The following HS2ST1 variants were observed in gnomAD, a reference collection of about 807,000 sequenced individuals.
HS2ST1 encodes 2-O-sulfotransferase.
Under a neutral mutation model 42.9 loss-of-function variants are expected in HS2ST1, and 18 were observed. The observed-to-expected ratio is 0.42, with a 90% confidence interval of 0.29 to 0.62. HS2ST1 has a LOEUF of 0.62. HS2ST1 is among the 20% of genes least tolerant of loss of function. The pLI is 0.21. For synonymous variants in HS2ST1, 146 were observed against 152.9 expected, an observed-to-expected ratio of 0.95 and a Z score of 0.33; for missense variants, 334 against 433.8, an observed-to-expected ratio of 0.77 and a Z score of 2.04.
At chr1:87,100,428 G>A (rs1021866512) in intron 5 of HS2ST1, among the ~76,000 whole-genome samples, 13 of 152,146 alleles carry the variant, frequency 8.5e-5, no homozygotes, top group African/African-American at 3.1e-4. Context: ...AGGACCCTGG[G>A]CCTGCCCCCT....
chr1:87,038,194 TAAC>T (rs2100602051), intron 1 of HS2ST1, among the ~76,000 whole-genome samples: 1 of 152,206 alleles, frequency 6.6e-6, no homozygotes, highest in East Asian at 1.9e-4. Context: ...GCTGTGTTCT[TAAC>T]AATCAGCAGT....
intron 1 of HS2ST1, chr1:87,045,025 G>A (rs75742223): frequency 0.022 from 31,727 of 1,437,270 alleles, 459 homozygotes; most frequent in South Asian, 0.048. Context: ...TTCCTCTTGC[G>A]GCTTCTCTCT....
At chr1:86,999,348 T>C (rs1267938046) in intron 1 of HS2ST1, among the ~76,000 whole-genome samples, 1 of 152,036 alleles carries the variant, frequency 6.6e-6, no homozygotes, top group Non-Finnish European at 1.5e-5. Context: ...CCAGCTAATT[T>C]TGTATTTTCA....
chr1:86,946,552 C>T (rs566613815), intron 1 of HS2ST1, among the ~76,000 whole-genome samples: 16 of 152,242 alleles, frequency 1.1e-4, no homozygotes, highest in Admixed American at 5.2e-4. Flanking sequence ...TATAGATGGT[C>T]GCATAACAGA....
At chr1:86,946,616 G>A (rs947169088) in intron 1 of HS2ST1, among the ~76,000 whole-genome samples, 4 of 152,104 alleles carry the variant, frequency 2.6e-5, no homozygotes, top group Admixed American at 2.0e-4. Flanking sequence ...TTTGAAATCC[G>A]CTTGGCTGAA....
intron 1 of HS2ST1, among the ~76,000 whole-genome samples, chr1:86,992,613 C>T (rs186348641): frequency 6.6e-5 from 10 of 152,260 alleles, no homozygotes; most frequent in African/African-American, 1.4e-4. Flanking sequence ...CTGCACGCCT[C>T]GGCCTCCCAA....
chr1:87,016,775 G>C (rs193187573), intron 1 of HS2ST1, among the ~76,000 whole-genome samples: 1 of 152,072 alleles, frequency 6.6e-6, no homozygotes, highest in Non-Finnish European at 1.5e-5. Context: ...CTGTTCAGCC[G>C]TATCCTCTGG....
intron 1 of HS2ST1, among the ~76,000 whole-genome samples, chr1:86,983,908 C>T (rs112752011): frequency 0.016 from 2,409 of 152,016 alleles, 71 homozygotes; most frequent in African/African-American, 0.055. Context: ...GGCGCGGTGG[C>T]GGGCGCCTCT....
At position 86,976,704 on chromosome 1, in the gene HS2ST1, G is replaced by GTATATATATATATA. The variant is rs147039703; in HGVS notation, c.124+61548_124+61561dup. Among the ~76,000 whole-genome samples, 487 of 79,694 alleles carry GTATATATATATATA rather than the reference G, an allele frequency of 6.1e-3. 41 individuals carry two copies. Among genetic ancestry groups the GTATATATATATATA allele is most frequent in the East Asian group, 0.052 (82 of 1,578 alleles). The allele number at this position is 79,694 out of a possible 152,430, so 52.3% of individuals were successfully genotyped here. ...AAATCCATCTTTTCTTTATAAAATT[G>GTATATATATATATA]TATATATATATATATATTTTAAATG... On this transcript the variant is annotated intron_variant, in intron 1 of 6. Coordinates refer to ENST00000370550, the MANE Select transcript of HS2ST1 (RefSeq NM_012262.4).
chr1:87,045,133 C>G, intron 1 of HS2ST1: 1 of 864,302 alleles, frequency 1.2e-6, no homozygotes, highest in African/African-American at 1.7e-5. Context: ...GAAGGCTGAC[C>G]TCCATCATTA....
intron 1 of HS2ST1, among the ~76,000 whole-genome samples, chr1:87,066,727 C>A (rs1356098627): frequency 1.3e-5 from 2 of 152,038 alleles, no homozygotes; most frequent in Admixed American, 6.6e-5. Context: ...CTCCCCTAGC[C>A]CCCATCCCCC....
At chr1:87,027,823 G>A (rs976843500) in intron 1 of HS2ST1, among the ~76,000 whole-genome samples, 8 of 152,100 alleles carry the variant, frequency 5.3e-5, no homozygotes, top group African/African-American at 1.9e-4. Flanking sequence ...CTAGTAGCTG[G>A]GACAACAGGA....
intron 1 of HS2ST1, among the ~76,000 whole-genome samples, chr1:87,054,838 T>C (rs61773086): frequency 0.23 from 35,618 of 152,124 alleles, 5,987 homozygotes; most frequent in African/African-American, 0.48. Context: ...CATAAAAGGC[T>C]GTCTGCCAAC....
chr1:86,970,991 A>G (rs1648217395), intron 1 of HS2ST1, among the ~76,000 whole-genome samples: 1 of 152,210 alleles, frequency 6.6e-6, no homozygotes, highest in Non-Finnish European at 1.5e-5. Flanking sequence ...TACTGATGCC[A>G]GATCAGTTGA....
intron 1 of HS2ST1, among the ~76,000 whole-genome samples, chr1:86,998,997 C>T (rs548569837): frequency 3.1e-4 from 38 of 121,688 alleles, no homozygotes; most frequent in African/African-American, 1.1e-3. Context: ...TGTAGATCTA[C>T]AGATCTAAAA....
chr1:86,963,859 C>A (rs1364510660), intron 1 of HS2ST1, among the ~76,000 whole-genome samples: 1 of 148,024 alleles, frequency 6.8e-6, no homozygotes, highest in South Asian at 2.2e-4. Flanking sequence ...CCCGCCCGGA[C>A]GGGGTGGCTG....
At chr1:87,081,667 A>G (rs1651693273) in intron 2 of HS2ST1, among the ~76,000 whole-genome samples, 2 of 152,180 alleles carry the variant, frequency 1.3e-5, no homozygotes, top group Admixed American at 6.5e-5. Context: ...AAATGAATAG[A>G]AGAAATAATG....
chr1:86,959,476 G>A (rs1378236199), intron 1 of HS2ST1, among the ~76,000 whole-genome samples: 2 of 152,110 alleles, frequency 1.3e-5, no homozygotes, highest in African/African-American at 2.4e-5. Context: ...TGGCTAACAT[G>A]GTGAAACCCC....
chr1:87,030,265 A>G lies in HS2ST1; in HGVS notation c.125-42669A>G, dbSNP rs76141892. On this transcript the variant is annotated intron_variant, in intron 1 of 6. Transcript: ENST00000370550. ...TCAAATTGTAAAAATAAAATTACCT[A>G]TCCACTGGAGGATATCTTGGGCCAG... is the stretch of plus-strand genomic sequence containing the variant. Among the ~76,000 whole-genome samples, 610 of 152,276 alleles carry G rather than the reference A, an allele frequency of 4.0e-3. 3 individuals are homozygous for G. Among genetic ancestry groups the G allele is most frequent in the African/African-American group, 0.014 (579 of 41,552 alleles).
Sources: gnomAD v4.1 joint callset for allele counts (sites outside exome capture counted in the v4.1 genomes callset) on GRCh38, gnomAD v4.1.1 for gene constraint, MANE v1.5 for transcripts, NCBI Gene and HGNC (gene_info 2026-07-23, HGNC 2026-07-21) for gene names.